The following GATB variants were observed in gnomAD, a reference collection of about 807,000 sequenced individuals.
GATB encodes the protein glutamyl-tRNA(Gln) amidotransferase subunit B, mitochondrial.
A neutral mutation model predicts 62.3 loss-of-function variants in GATB; 39 were observed. The ratio of observed to expected loss-of-function variants is 0.63; its 90% CI spans 0.48 to 0.82. The LOEUF (loss-of-function observed/expected upper bound fraction) is 0.82, where lower values mean the gene tolerates loss of function less well. GATB is among the 40% of genes least tolerant of loss of function. GATB has a pLI of 0.00. For synonymous variants in GATB, 276 were observed against 258.9 expected (o/e 1.07, Z -0.63); for missense variants, 670 against 684.0 (o/e 0.98, Z 0.23).
At chr4:151,717,165 A>G in intron 3 of GATB, 91 bp from the exon 4 acceptor site, 7 of 1,237,138 alleles carry the variant, frequency 5.7e-6, no homozygotes, top group Non-Finnish European at 8.2e-6. Context: ...TCACACAACG[A>G]CAGGCCTACT....
chr4:151,690,068 A>C (rs1386803781), intron 9 of GATB, among the ~76,000 whole-genome samples: 1 of 152,208 alleles, frequency 6.6e-6, no homozygotes, highest in Admixed American at 6.5e-5. Flanking sequence ...CACTGCACCT[A>C]AGGCTTCTAC....
intron 2 of GATB, among the ~76,000 whole-genome samples, chr4:151,756,911 T>C (rs2127001630): frequency 6.6e-6 from 1 of 152,306 alleles, no homozygotes; most frequent in East Asian, 1.9e-4. Context: ...TATGGCCTGA[T>C]AGCCATCACA....
chr4:151,695,182 G>A (rs778830886), intron 9 of GATB, among the ~76,000 whole-genome samples: 4 of 152,138 alleles, frequency 2.6e-5, no homozygotes, highest in Admixed American at 1.3e-4. Flanking sequence ...GTTTTAGCGC[G>A]TTGCTTGGTG....
chr4:151,680,297 C>A (rs1411304473), intron 10 of GATB, among the ~76,000 whole-genome samples: 1 of 149,876 alleles, frequency 6.7e-6, no homozygotes, highest in African/African-American at 2.5e-5. Flanking sequence ...AAAAAACCAG[C>A]TAACAAAGTC....
At chr4:151,722,441 C>A (rs1000556031) in intron 2 of GATB, 1 of 535,274 alleles carries the variant, frequency 1.9e-6, no homozygotes. Context: ...GATGTTCCCA[C>A]GACAAAGGCC....
At chr4:151,720,788 C>T (rs909110173) in intron 2 of GATB, 1 of 152,168 alleles carries the variant, frequency 6.6e-6, no homozygotes, top group African/African-American at 2.4e-5. Context: ...CCACACATGC[C>T]GTGGCTGAGA....
At chr4:151,738,287 T>G (rs542936111) in intron 2 of GATB, among the ~76,000 whole-genome samples, 1 of 152,276 alleles carries the variant, frequency 6.6e-6, no homozygotes, top group Non-Finnish European at 1.5e-5. Flanking sequence ...TTTTGGAGAT[T>G]TAAGATTTGA....
rs1738731835 is a variant in GATB, at chr4:151,707,221, T to C, written c.877+767A>G. 2.6e-5 allele frequency among the ~76,000 whole-genome samples: 4 copies of C among 152,254 alleles called. No homozygotes were observed. The South Asian group carries it at 6.2e-4, about 24-fold the overall frequency. ...GGTGGTAAATGGTAAAACACAGCCA[T>C]GATCTTTTGTGGATCCTCTGATAAA... On this transcript the variant is annotated intron_variant, in intron 6 of 12. Transcript: ENST00000263985.
intron 2 of GATB, among the ~76,000 whole-genome samples, chr4:151,728,956 G>A (rs986102665): frequency 2.6e-5 from 4 of 152,082 alleles, no homozygotes; most frequent in Non-Finnish European, 5.9e-5. Flanking sequence ...CTAGAGATAC[G>A]TGCCATTTTG....
intron 2 of GATB, among the ~76,000 whole-genome samples, chr4:151,738,508 ACTT>A (rs1739423792): frequency 2.6e-5 from 4 of 152,188 alleles, no homozygotes; most frequent in Admixed American, 2.0e-4. Flanking sequence ...AGTCCAATAA[ACTT>A]CTTTCTTTTG....
chr4:151,753,571 G>A (rs1739763413), intron 2 of GATB, among the ~76,000 whole-genome samples: 2 of 152,282 alleles, frequency 1.3e-5, no homozygotes, highest in Non-Finnish European at 2.9e-5. Flanking sequence ...GTTACAGAGA[G>A]GATGGATTAA....
At chr4:151,755,527 G>A (rs1739810003) in intron 2 of GATB, among the ~76,000 whole-genome samples, 1 of 152,208 alleles carries the variant, frequency 6.6e-6, no homozygotes, top group African/African-American at 2.4e-5. Context: ...CATGTTGGGC[G>A]AATAAAGTAG....
intron 2 of GATB, among the ~76,000 whole-genome samples, chr4:151,731,239 C>G (rs912748313): frequency 6.6e-6 from 1 of 152,140 alleles, no homozygotes; most frequent in Non-Finnish European, 1.5e-5. Context: ...CTCAGCCTGC[C>G]GAGTGCCTGC....
chr4:151,748,433 T>C (rs1251068171), intron 2 of GATB, among the ~76,000 whole-genome samples: 2 of 152,188 alleles, frequency 1.3e-5, no homozygotes, highest in Non-Finnish European at 2.9e-5. Context: ...ATTTAACAAA[T>C]GGTGCTGGGA....
At chr4:151,747,142 G>C (rs895599153) in intron 2 of GATB, among the ~76,000 whole-genome samples, 1 of 152,114 alleles carries the variant, frequency 6.6e-6, no homozygotes, top group African/African-American at 2.4e-5. Flanking sequence ...CTTGGTACAT[G>C]GTAGTTGATT....
At chr4:151,686,665 C>CCCCGCT (rs1738256422) in intron 10 of GATB, among the ~76,000 whole-genome samples, 1 of 133,144 alleles carries the variant, frequency 7.5e-6, no homozygotes, top group South Asian at 3.2e-4. Context: ...CCCCCCCCAC[C>CCCCGCT]CCCCAGTTTC....
chr4:151,706,096 C>T (rs1279244699), intron 6 of GATB, among the ~76,000 whole-genome samples: 1 of 152,198 alleles, frequency 6.6e-6, no homozygotes, highest in Non-Finnish European at 1.5e-5. Context: ...AACAGCAAAA[C>T]GTGTCAGTTT....
chr4:151,709,976 C>T (rs1578915383), intron 5 of GATB, among the ~76,000 whole-genome samples: 1 of 152,140 alleles, frequency 6.6e-6, no homozygotes, highest in East Asian at 1.9e-4. Flanking sequence ...ACCCTGTCTG[C>T]TCCACCAGCA....
At chr4:151,739,641 T>A (rs1248438007) in intron 2 of GATB, among the ~76,000 whole-genome samples, 1 of 152,280 alleles carries the variant, frequency 6.6e-6, no homozygotes, top group Middle Eastern at 3.4e-3. Context: ...GCTTCTCACA[T>A]CTATGCCCAG....
Sources: allele counts gnomAD v4.1 joint callset (sites outside exome capture counted in the v4.1 genomes callset), GRCh38; gene constraint gnomAD v4.1.1; transcripts MANE v1.5; gene names NCBI Gene and HGNC (gene_info 2026-07-23, HGNC 2026-07-21).